The following ZSCAN5A variants were observed in gnomAD, a reference collection of about 807,000 sequenced individuals.
ZSCAN5A encodes zinc finger and SCAN domain-containing protein 5A.
Under a neutral mutation model 23.7 loss-of-function variants are expected in ZSCAN5A, and 12 were observed. That is an observed-to-expected ratio of 0.51 (90% confidence interval 0.32 to 0.82). The LOEUF (loss-of-function observed/expected upper bound fraction) is 0.82, where lower values mean the gene tolerates loss of function less well. Among genes scored for constraint, ZSCAN5A ranks in the 40% least tolerant of loss-of-function variants. The pLI, the probability that ZSCAN5A is intolerant of heterozygous loss-of-function variation, is 0.03. For missense variants in ZSCAN5A, 597 were observed against 617.9 expected (o/e 0.97, Z 0.36); for synonymous variants, 257 against 239.9 (o/e 1.07, Z -0.66).
At chr19:56,349,004 T>C (rs1182114562) in intron 2 of ZSCAN5A, among the ~76,000 whole-genome samples, 1 of 152,204 alleles carries the variant, frequency 6.6e-6, no homozygotes, top group Non-Finnish European at 1.5e-5. Context: ...ACAGTCAGGA[T>C]GGCAAACTCT....
intron 2 of ZSCAN5A, among the ~76,000 whole-genome samples, chr19:56,255,399 G>A (rs909043533): frequency 3.9e-5 from 6 of 152,074 alleles, no homozygotes; most frequent in Non-Finnish European, 8.8e-5. Context: ...GTCAGCCACA[G>A]AGAATTAGAA....
chr19:56,292,811 G>C (rs570443178), intron 2 of ZSCAN5A, among the ~76,000 whole-genome samples: 1 of 152,172 alleles, frequency 6.6e-6, no homozygotes, highest in Non-Finnish European at 1.5e-5. Context: ...AAGTAGAATC[G>C]TACACGATGT....
rs2033752340 is a variant in ZSCAN5A, at chr19:56,224,897, G to A, written c.150C>T (p.Phe50=). 3.7e-6 allele frequency: 6 copies of A among 1,614,176 alleles called. No homozygotes were observed. Among genetic ancestry groups the A allele is most frequent in the Non-Finnish European group, 5.1e-6 (6 of 1,180,034 alleles). The change falls in exon 3 of 6, where the codon TTC becomes TTT. Residue 50 remains phenylalanine (F), a synonymous_variant. Coordinates refer to ENST00000683990, the MANE Select transcript of ZSCAN5A (RefSeq NM_001322064.3). ...TGGGGTCCGACTCCTTCGGGCAGCT[G>A]AACATCCTGAAGTTCACGTGAGAAA... ...PEISHVNFRM[F]SCPKESDPIQ... is the part of the protein sequence containing the mutation.
At chr19:56,363,920 TG>T (rs2041749343) in intron 1 of ZSCAN5A, among the ~76,000 whole-genome samples, 2 of 152,292 alleles carry the variant, frequency 1.3e-5, no homozygotes, top group Non-Finnish European at 2.9e-5. Context: ...CCTGGCCATG[TG>T]GTAGAAGAGA....
chr19:56,316,683 AT>A (rs1301765835), upstream of ZSCAN5A: 2 of 152,124 alleles, frequency 1.3e-5, no homozygotes, highest in Non-Finnish European at 2.9e-5. Flanking sequence ...GCCTCTGTAA[AT>A]TTTCTTTCAT....
At chr19:56,343,393 A>G in intron 2 of ZSCAN5A, 1 of 546,436 alleles carries the variant, frequency 1.8e-6, no homozygotes, top group South Asian at 1.5e-5. Context: ...TATAAGTGCC[A>G]TGCAGCAATT....
At chr19:56,349,901 G>T (rs1600298845) in intron 2 of ZSCAN5A, among the ~76,000 whole-genome samples, 1 of 152,254 alleles carries the variant, frequency 6.6e-6, no homozygotes, top group East Asian at 1.9e-4. Flanking sequence ...TTTGCAGAGA[G>T]ATTTAATTAT....
At chr19:56,361,733 A>G (rs1258290493) in intron 2 of ZSCAN5A, among the ~76,000 whole-genome samples, 1 of 152,142 alleles carries the variant, frequency 6.6e-6, no homozygotes, top group East Asian at 1.9e-4. Context: ...GGAGAGTATC[A>G]AAAGAAATAG....
chr19:56,239,432 C>A (rs2035236919), intron 2 of ZSCAN5A, among the ~76,000 whole-genome samples: 1 of 152,210 alleles, frequency 6.6e-6, no homozygotes, highest in East Asian at 1.9e-4. Context: ...AACATTAAGG[C>A]TTTTCACGTT....
rs373285653 is a variant in ZSCAN5A, at chr19:56,225,087, T to C, written c.-41A>G. 4.6e-6 allele frequency: 7 copies of C among 1,534,964 alleles called. No individual in the cohort carries two copies. The African/African-American group carries it at 9.6e-5, about 21-fold the overall frequency. ...TTTTAATCAGTCTCTGAGAAAGCTC[T>C]TCCAGTAGCTGGTATCTAATTGATA... On this transcript the variant is annotated 5_prime_UTR_variant, in exon 3 of 6. Transcript: ENST00000683990.
intron 2 of ZSCAN5A, among the ~76,000 whole-genome samples, chr19:56,267,405 C>T (rs2037552393): frequency 1.3e-5 from 2 of 152,148 alleles, no homozygotes; most frequent in Middle Eastern, 3.4e-3. Flanking sequence ...GGCTGAGAGG[C>T]GCTTAGTATC....
chr19:56,350,286 G>C (rs1341487622), intron 2 of ZSCAN5A, among the ~76,000 whole-genome samples: 1 of 152,188 alleles, frequency 6.6e-6, no homozygotes, highest in East Asian at 1.9e-4. Context: ...CTATGAAAAG[G>C]TTATAAAGGA....
intron 2 of ZSCAN5A, among the ~76,000 whole-genome samples, chr19:56,323,533 CTT>C (rs35501936): frequency 0.05 from 6,179 of 123,550 alleles, 129 homozygotes; most frequent in South Asian, 0.11. Context: ...TGAGGCAGAA[CTT>C]TTTTTTTTTT....
chr19:56,329,615 T>A (rs2041471256), intron 2 of ZSCAN5A, among the ~76,000 whole-genome samples: 1 of 151,956 alleles, frequency 6.6e-6, no homozygotes, highest in Non-Finnish European at 1.5e-5. Context: ...TAGAAATTAT[T>A]GAAATTGAAA....
intron 1 of ZSCAN5A, among the ~76,000 whole-genome samples, chr19:56,366,531 G>C (rs1156685803): frequency 6.6e-6 from 1 of 151,738 alleles, no homozygotes; most frequent in East Asian, 1.9e-4. Context: ...CTTAACCTAA[G>C]CAAACCCAAA....
intron 2 of ZSCAN5A, among the ~76,000 whole-genome samples, chr19:56,271,862 C>T (rs759978499): frequency 1.4e-4 from 22 of 152,170 alleles, no homozygotes; most frequent in Non-Finnish European, 2.8e-4. Context: ...GATACTGGGT[C>T]AAGTTCATAT....
In ZSCAN5A at chr19:56,352,349, GAC is replaced by G. The variant is rs2041672858; in HGVS notation, c.-358+10884_-358+10885del. Among the ~76,000 whole-genome samples the G allele has an allele frequency of 6.6e-6, 1 of 152,212 alleles. No individual in the cohort carries two copies. The highest frequency in any genetic ancestry group is 1.5e-5 in the Non-Finnish European group (1 of 68,040). On this transcript the variant is annotated intron_variant, in intron 2 of 6. Coordinates refer to the ZSCAN5A transcript ENST00000587340. The surrounding 1 kb of genome is among the most constrained non-coding windows in gnomAD (Gnocchi z 4.2). ...AATGTGATTACTGGGGCACTGTAGA[GAC>G]AGAGAGAGACATGAGATCCCACAGA... is the stretch of plus-strand genomic sequence containing the variant.
At chr19:56,279,537 T>C (rs1170452436) in intron 2 of ZSCAN5A, among the ~76,000 whole-genome samples, 1 of 152,202 alleles carries the variant, frequency 6.6e-6, no homozygotes, top group Non-Finnish European at 1.5e-5. Flanking sequence ...AAATACGTCA[T>C]GCAATTTAAT....
chr19:56,366,213 G>A (rs2041763485), intron 1 of ZSCAN5A, among the ~76,000 whole-genome samples: 1 of 152,104 alleles, frequency 6.6e-6, no homozygotes, highest in African/African-American at 2.4e-5. Flanking sequence ...GGAGGCCGAG[G>A]CGGGCGGATC....
Sources: allele counts gnomAD v4.1 joint callset (sites outside exome capture counted in the v4.1 genomes callset), GRCh38; gene constraint gnomAD v4.1.1; non-coding constraint Gnocchi (gnomAD v3.1); transcripts MANE v1.5; gene names NCBI Gene and HGNC (gene_info 2026-07-23, HGNC 2026-07-21).